The following TAP2 variants were observed in gnomAD, a reference collection of about 807,000 sequenced individuals.
The protein encoded by TAP2 is transporter 2, ATP binding cassette subfamily B member, also known as antigen peptide transporter 2.
Under a neutral mutation model 74.7 loss-of-function variants are expected in TAP2, and 49 were observed. That is an observed-to-expected ratio of 0.66 (90% confidence interval 0.52 to 0.83). The LOEUF (loss-of-function observed/expected upper bound fraction) is 0.83, where lower values mean the gene tolerates loss of function less well. TAP2 is among the 40% of genes least tolerant of loss of function. TAP2 has a pLI of 0.00. For missense variants in TAP2, 739 were observed against 859.0 expected (o/e 0.86, Z 1.75); for synonymous variants, 306 against 368.4 (o/e 0.83, Z 1.94).
At chr6:32,829,641 G>A (rs1313094132) in intron 10 of TAP2, 105 bp from the exon 11 acceptor site, 1 of 1,560,348 alleles carries the variant, frequency 6.4e-7, no homozygotes, top group Non-Finnish European at 8.7e-7. Flanking sequence ...CTCGGGAGGT[G>A]GGAGGGCCCA....
chr6:32,832,616 T>C lies in TAP2; in HGVS notation c.1143+11A>G. ...TCCTGGGCTCCTTTCACAACCACTC[T>C]GGTATCTTACCCTCCTTACGAGCAG... On this transcript the variant is annotated intron_variant, in intron 6 of 11. Coordinates refer to ENST00000374897, the MANE Select transcript of TAP2 (RefSeq NM_001290043.2). This position sits in a 1 kb window ranked among gnomAD's most constrained non-coding sequence, Gnocchi z 5.9. The C allele has an allele frequency of 2.5e-6, 4 of 1,613,094 alleles. No individual in the cohort carries two copies. Among genetic ancestry groups the C allele is most frequent in the Non-Finnish European group, 3.4e-6 (4 of 1,180,036 alleles).
rs771431299 is a variant in TAP2, at chr6:32,837,985, G to T, written c.249C>A (p.Val83=). ...TPLTVSLRAL[V]AGASRAPPAR... ...CTGGGGGAGCACGTGAGGCCCCCGC[G>T]ACCAGGGCTCTCAGGGAGACAGTCA... Residue 83 remains valine (V), a synonymous_variant, in exon 2 of 12, where the codon GTC becomes GTA. Transcript: ENST00000374897. 29 of 1,612,480 alleles carry T rather than the reference G, an allele frequency of 1.8e-5. No homozygotes were observed. The highest frequency in any genetic ancestry group is 3.4e-6 in the Non-Finnish European group (4 of 1,179,872).
chr6:32,834,831 G>A (rs943454582), intron 5 of TAP2, among the ~76,000 whole-genome samples: 3 of 152,140 alleles, frequency 2.0e-5, no homozygotes, highest in Admixed American at 2.0e-4. Flanking sequence ...CGCAGTGGGG[G>A]CGGGGGATGT....
In TAP2 at chr6:32,827,197, G is replaced by C; in HGVS notation, c.*1709C>G. 3 of 985,488 alleles carry C rather than the reference G, an allele frequency of 3.0e-6. No individual in the cohort carries two copies. The highest frequency in any genetic ancestry group is 3.6e-6 in the Non-Finnish European group (3 of 829,934). 61.0% of individuals were successfully genotyped at this position (985,488 alleles called of 1,614,324 possible). On this transcript the variant is annotated 3_prime_UTR_variant, in exon 12 of 12. Transcript: ENST00000374897. ...ACCTGCTGTTTCCAGGAATATGAAGGTTTCTCTTTCCTAGAATAGCAACTT... is the reference window on the plus strand; with the variant it reads ...ACCTGCTGTTTCCAGGAATATGAAGCTTTCTCTTTCCTAGAATAGCAACTT...
chr6:32,838,080 GC>G lies in TAP2; in HGVS notation c.153del (p.Leu52CysfsTer2). On this transcript the variant is annotated frameshift_variant, in exon 2 of 12. Transcript: ENST00000374897. LOFTEE classifies it high-confidence loss of function. ...CCCAGCAGCCCTCTTAGCTTTAGCA[GC>G]CCCCACAGCCCTCCCAGCCGCAGGG... ...EGTLRLGGLW[G>X]LLKLRGLLGF... 1 of 1,612,132 alleles carries G rather than the reference GC, an allele frequency of 6.2e-7. No individual in the cohort carries two copies. The highest frequency in any genetic ancestry group is 1.1e-5 in the South Asian group (1 of 91,018).
At chr6:32,837,679 G>A in intron 2 of TAP2, 28 bp from the exon 3 acceptor site, 1 of 1,614,136 alleles carries the variant, frequency 6.2e-7, no homozygotes, top group Non-Finnish European at 8.5e-7. Context: ...AATAACACAA[G>A]AATGTGCTGG....
chr6:32,828,226 A>G lies in TAP2; in HGVS notation c.*680T>C. On this transcript the variant is annotated 3_prime_UTR_variant, in exon 12 of 12. Transcript: ENST00000374897. ...AAACGATAATACATGAAAAACACTT[A>G]GCATAGCTCCTACTCCCATTAAAAC... 1 of 968,510 alleles carries G rather than the reference A, an allele frequency of 1.0e-6. No homozygotes were observed. The highest frequency in any genetic ancestry group is 4.8e-5 in the South Asian group (1 of 20,836). The allele number at this position is 968,510 out of a possible 1,614,324, so 60.0% of individuals were successfully genotyped here. A position where few individuals can be genotyped will look rare whatever the true frequency, so the allele number is the denominator to read the frequency against.
In TAP2 at chr6:32,827,976, C is replaced by A. The variant is rs549167785; in HGVS notation, c.*930G>T. On this transcript the variant is annotated 3_prime_UTR_variant, in exon 12 of 12. Transcript: ENST00000374897. The stretch of plus-strand genomic sequence containing the variant: ...ATTCTGAATTATTTAGAGCTAAGAG[C>A]AGCAGAGCTTTTCTTGATGGGATTA... The A allele has an allele frequency of 4.8e-5, 47 of 985,262 alleles. No individual in the cohort carries two copies. The African/African-American group carries it at 8.0e-4, about 17-fold the overall frequency. 61.0% of individuals were successfully genotyped at this position (985,262 alleles called of 1,614,324 possible).
At chr6:32,823,666 T>C (rs187939601), downstream of TAP2, among the ~76,000 whole-genome samples, 10 of 152,232 alleles carry the variant, frequency 6.6e-5, no homozygotes, top group Non-Finnish European at 1.3e-4. Flanking sequence ...TTTTCATTTA[T>C]TTAGTTCAGT....
Position 32,835,517 on chromosome 6 carries a change from A to C in TAP2, c.739+126T>G. On this transcript the variant is annotated intron_variant, in intron 4 of 11. Transcript: ENST00000374897. The surrounding 1 kb of genome is among the most constrained non-coding windows in gnomAD (Gnocchi z 4.0). ...GGAGGCTGCTTCTCCACCCTGTCCC[A>C]AACAAGAGAAAAGCATCCCCAAGTC... 6.6e-7 allele frequency: 1 copy of C among 1,506,378 alleles called. No individual in the cohort carries two copies. Among genetic ancestry groups the C allele is most frequent in the Non-Finnish European group, 9.1e-7 (1 of 1,096,278 alleles). 93.3% of individuals were successfully genotyped at this position (1,506,378 alleles called of 1,614,324 possible).
rs1437773910 is a variant in TAP2, at chr6:32,825,861, TCA to T, written c.*3043_*3044del. 3.7e-6 allele frequency: 2 copies of T among 542,012 alleles called. No individual in the cohort carries two copies. The highest frequency in any genetic ancestry group is 2.1e-5 in the African/African-American group (1 of 48,116). The allele number at this position is 542,012 out of a possible 1,614,324, so 33.6% of individuals were successfully genotyped here. ...TAAATGTTTCTAAAACTCCATTTTC[TCA>T]CTCTTAGAATTGAGATAGTAATACC... On this transcript the variant is annotated 3_prime_UTR_variant, in exon 12 of 12. Transcript: ENST00000374897.
chr6:32,822,155 A>T (rs1219088024), downstream of TAP2: 7 of 730,958 alleles, frequency 9.6e-6, no homozygotes, highest in Non-Finnish European at 1.6e-5. Flanking sequence ...ATTGTTTTAC[A>T]TGTACTATTT....
chr6:32,836,544 G>A (rs1769432255), intron 3 of TAP2, among the ~76,000 whole-genome samples: 2 of 152,188 alleles, frequency 1.3e-5, no homozygotes, highest in South Asian at 4.1e-4. Context: ...ATCATAGAGT[G>A]TACTTACACA....
Position 32,837,899 on chromosome 6 carries a change from C to G in TAP2, c.335G>C (p.Ser112Thr). Reference sequence around the variant, plus strand: ...GCTCAGAACAGCCCACAGTGACCAGCTGAGCCCCGCAGCCCCGTACCCCAC... The same window carrying G: ...GCTCAGAACAGCCCACAGTGACCAGGTGAGCCCCGCAGCCCCGTACCCCAC... Reference protein sequence around the residue: ...LLVGYGAAGLSWSLWAVLSPP... With the variant: ...LLVGYGAAGLTWSLWAVLSPP... The change falls in exon 2 of 12, where the codon AGC becomes ACC. Residue 112 changes from serine (S) to threonine (T), a missense_variant. Coordinates refer to ENST00000374897, the MANE Select transcript of TAP2 (RefSeq NM_001290043.2). 6.2e-7 allele frequency: 1 copy of G among 1,613,074 alleles called. No individual in the cohort carries two copies. Among genetic ancestry groups the G allele is most frequent in the Non-Finnish European group, 8.5e-7 (1 of 1,180,012 alleles).
At chr6:32,829,594 G>A in intron 10 of TAP2, 58 bp from the exon 11 acceptor site, 1 of 1,610,474 alleles carries the variant, frequency 6.2e-7, no homozygotes, top group Non-Finnish European at 8.5e-7. Context: ...CAACACACAA[G>A]GAGGGACAAG....
In TAP2 at chr6:32,829,941, C is replaced by T. The variant is rs1430611360; in HGVS notation, c.1784G>A (p.Gly595Glu). 1 of 1,613,068 alleles carries T rather than the reference C, an allele frequency of 6.2e-7. No homozygotes were observed. Among genetic ancestry groups the T allele is most frequent in the Non-Finnish European group, 8.5e-7 (1 of 1,180,018 alleles). ...TTTGTAGAAGATACCTGTGTATATTCCATGCTCCATTTCCTGGATGAAGTC... is the reference window on the plus strand; with the variant it reads ...TTTGTAGAAGATACCTGTGTATATTTCATGCTCCATTTCCTGGATGAAGTC... ...ADDFIQEMEH[G>E]IYTDVGEKGS... Residue 595 changes from glycine (G) to glutamate (E), a missense_variant, in exon 10 of 12, where the codon GGA (glycine) becomes GAA (glutamate). Coordinates refer to ENST00000374897, the MANE Select transcript of TAP2 (RefSeq NM_001290043.2).
At chr6:32,838,431 G>C (rs1239817084) in intron 1 of TAP2, among the ~76,000 whole-genome samples, 194 bp from the exon 2 acceptor site, 1 of 150,352 alleles carries the variant, frequency 6.7e-6, no homozygotes, top group East Asian at 1.9e-4. Context: ...GCCTTCTGGG[G>C]AGCTGGAAGC....
chr6:32,823,974 C>CTG (rs1554230491), downstream of TAP2, among the ~76,000 whole-genome samples: 1 of 152,016 alleles, frequency 6.6e-6, no homozygotes, highest in Non-Finnish European at 1.5e-5. Context: ...CTTCCTCTTT[C>CTG]TGTGTGTGTG....
At position 32,826,718 on chromosome 6, in the gene TAP2, G is replaced by C; in HGVS notation, c.*2188C>G. ...CCAGCTTTATCATGATTAGCTGCGT[G>C]ATTTCATGTCAGTTTCTCTGTAAAA... On this transcript the variant is annotated 3_prime_UTR_variant, in exon 12 of 12. Transcript: ENST00000374897. 1.0e-6 allele frequency: 1 copy of C among 985,404 alleles called. No individual in the cohort carries two copies. The highest frequency in any genetic ancestry group is 1.1e-4 in the East Asian group (1 of 8,812). 61.0% of individuals were successfully genotyped at this position (985,404 alleles called of 1,614,324 possible). A position where few individuals can be genotyped will look rare whatever the true frequency, so the allele number is the denominator to read the frequency against.
Sources: gnomAD v4.1 joint callset for allele counts (sites outside exome capture counted in the v4.1 genomes callset) on GRCh38, gnomAD v4.1.1 for gene constraint, Gnocchi (gnomAD v3.1) non-coding constraint, MANE v1.5 for transcripts, NCBI Gene and HGNC (gene_info 2026-07-23, HGNC 2026-07-21) for gene names.